Variants in ORC3 observed in about 807,000 individuals in gnomAD.
ORC3 encodes homolog of latheo, Drosophila.
ORC3 carries 78 observed loss-of-function variants against 100.7 expected under a neutral mutation model. That is an observed-to-expected ratio of 0.77 (90% CI 0.65 to 0.94). The LOEUF (loss-of-function observed/expected upper bound fraction) is 0.94. Ranked by LOEUF, ORC3 falls within the 40% of genes least tolerant of loss-of-function variation. The pLI is 0.00. For missense variants in ORC3, 789 were observed against 823.9 expected (o/e 0.96, Z 0.52); for synonymous variants, 295 against 289.3 (o/e 1.02, Z -0.20).
intron 1 of ORC3, 67 bp from the exon 2 acceptor site, chr6:87,594,286 T>G: frequency 8.8e-7 from 1 of 1,135,382 alleles, no homozygotes; most frequent in South Asian, 1.5e-5. Context: ...CATAAAATAT[T>G]TGGTTAATCA....
chr6:87,671,610 A>C (rs1562393068), downstream of ORC3, among the ~76,000 whole-genome samples: 1 of 152,122 alleles, frequency 6.6e-6, no homozygotes, highest in Non-Finnish European at 1.5e-5. Context: ...TTTTAGCAAA[A>C]TGCAGGGAAA....
chr6:87,593,029 G>T (rs1305450970), intron 1 of ORC3, among the ~76,000 whole-genome samples: 1 of 152,094 alleles, frequency 6.6e-6, no homozygotes, highest in Non-Finnish European at 1.5e-5. Context: ...GGAGGCAAAG[G>T]TTGCAGTGAG....
chr6:87,597,678 T>TACACACACACACAC (rs1245994243), intron 2 of ORC3, among the ~76,000 whole-genome samples: 2 of 136,666 alleles, frequency 1.5e-5, no homozygotes, highest in African/African-American at 5.9e-5. Context: ...GATATATATA[T>TACACACACACACAC]ATACACACAC....
the ORC3 span, among the ~76,000 whole-genome samples, chr6:87,672,853 C>T: frequency 5.3e-5 from 8 of 152,062 alleles, no homozygotes; most frequent in Non-Finnish European, 1.2e-4. Flanking sequence ...AACGCTTATA[C>T]CTATGTGCAC....
intron 11 of ORC3, among the ~76,000 whole-genome samples, chr6:87,628,655 A>G (rs9444529): frequency 0.4 from 60,648 of 152,056 alleles, 12,219 homozygotes; most frequent in Admixed American, 0.48. Flanking sequence ...AGGAAGTGAA[A>G]TATCTCATGT....
At chr6:87,620,348 T>C (rs1779449428) in intron 9 of ORC3, among the ~76,000 whole-genome samples, 2 of 152,262 alleles carry the variant, frequency 1.3e-5, no homozygotes, top group Admixed American at 6.5e-5. Flanking sequence ...TTGCTTTCTA[T>C]TTTGTACTTG....
intron 2 of ORC3, among the ~76,000 whole-genome samples, chr6:87,600,742 T>G (rs888676905): frequency 2.0e-5 from 3 of 151,938 alleles, no homozygotes; most frequent in Non-Finnish European, 4.4e-5. Context: ...TAAAGGAGGG[T>G]TTTTCAAACC....
At chr6:87,657,188 C>T (rs1273087765) in intron 15 of ORC3, 1 of 416,238 alleles carries the variant, frequency 2.4e-6, no homozygotes, top group Non-Finnish European at 4.4e-6. Context: ...CTGGAACCTA[C>T]TAGCTAACAT....
At chr6:87,645,991 T>C (rs932795577) in intron 13 of ORC3, among the ~76,000 whole-genome samples, 9 of 145,688 alleles carry the variant, frequency 6.2e-5, no homozygotes, top group East Asian at 3.9e-4. Context: ...TTTCTTTTTT[T>C]TTTCTTTTTT....
intron 11 of ORC3, among the ~76,000 whole-genome samples, chr6:87,632,460 A>G (rs1431338293): frequency 6.6e-6 from 1 of 152,218 alleles, no homozygotes; most frequent in Non-Finnish European, 1.5e-5. Flanking sequence ...TAAGTCCATC[A>G]TAGCCAGTCT....
At chr6:87,646,651 A>C (rs1583134940) in intron 13 of ORC3, among the ~76,000 whole-genome samples, 1 of 151,900 alleles carries the variant, frequency 6.6e-6, no homozygotes, top group Non-Finnish European at 1.5e-5. Flanking sequence ...ACAGTTCATC[A>C]CTCCCTTCTT....
At chr6:87,640,388 G>A (rs965857114) in intron 13 of ORC3, among the ~76,000 whole-genome samples, 6 of 152,090 alleles carry the variant, frequency 3.9e-5, no homozygotes, top group African/African-American at 1.4e-4. Flanking sequence ...CATGTGTGTG[G>A]GGAGCATGCA....
chr6:87,676,447 CA>C, the ORC3 span, among the ~76,000 whole-genome samples: 2,568 of 41,880 alleles, frequency 0.061, 40 homozygotes, highest in African/African-American at 0.15. Context: ...GCCTGGGCAA[CA>C]AAAAAAAAAA....
At chr6:87,600,261 A>G (rs1477272774) in intron 2 of ORC3, among the ~76,000 whole-genome samples, 1 of 152,224 alleles carries the variant, frequency 6.6e-6, no homozygotes, top group African/African-American at 2.4e-5. Flanking sequence ...GTTACAATAA[A>G]ATACGTAGCA....
At position 87,665,839 on chromosome 6, in the gene ORC3, C is replaced by G; in HGVS notation, c.2030+6C>G. The G allele has an allele frequency of 6.4e-7, 1 of 1,557,794 alleles. No homozygotes were observed. The highest frequency in any genetic ancestry group is 8.8e-7 in the Non-Finnish European group (1 of 1,130,100). On this transcript the variant is annotated splice_donor_region_variant and intron_variant, in intron 19 of 19. Transcript: ENST00000392844. The stretch of plus-strand genomic sequence containing the variant: ...GAAATGAATGAAATTATCCAGTATC[C>G]TTTTAAAACCATTTCTACAATGTCC...
chr6:87,615,637 G>C (rs560280026), intron 8 of ORC3, among the ~76,000 whole-genome samples: 1 of 152,198 alleles, frequency 6.6e-6, no homozygotes, highest in South Asian at 2.1e-4. Context: ...CAAGGCTACA[G>C]TGAGCTATGA....
chr6:87,643,603 G>T (rs918233347), intron 13 of ORC3, among the ~76,000 whole-genome samples: 5 of 152,128 alleles, frequency 3.3e-5, no homozygotes, highest in African/African-American at 1.2e-4. Context: ...AAAAAGATCT[G>T]AATTTGTATT....
intron 19 of ORC3, among the ~76,000 whole-genome samples, chr6:87,666,435 C>CTTT (rs398002192): frequency 0.029 from 2,860 of 97,584 alleles, 186 homozygotes; most frequent in African/African-American, 0.097. Context: ...CGGCCTAATT[C>CTTT]TTTTTTTTTT....
chr6:87,662,822 G>GT, intron 16 of ORC3, among the ~76,000 whole-genome samples, 181 bp from the exon 17 acceptor site: 1 of 152,136 alleles, frequency 6.6e-6, no homozygotes, highest in South Asian at 2.1e-4. Context: ...TCATTCGTTT[G>GT]TTTTTGGTTG....
Sources: allele counts gnomAD v4.1 joint callset (sites outside exome capture counted in the v4.1 genomes callset), GRCh38; gene constraint gnomAD v4.1.1; transcripts MANE v1.5; gene names NCBI Gene and HGNC (gene_info 2026-07-23, HGNC 2026-07-21).